DIP2A: variants seen among roughly 807,000 people sequenced by gnomAD.
DIP2A encodes DIP2 acetate--CoA ligase A.
DIP2A carries 85 observed loss-of-function variants against 177.4 expected under a neutral mutation model. The ratio of observed to expected loss-of-function variants is 0.48; its 90% CI spans 0.40 to 0.57. DIP2A has a LOEUF of 0.57. Among genes scored for constraint, DIP2A ranks in the 20% least tolerant of loss-of-function variants. The pLI, the probability that DIP2A is intolerant of heterozygous loss-of-function variation, is 0.00. For synonymous variants in DIP2A, 886 were observed against 881.8 expected, an observed-to-expected ratio of 1.00 and a Z score of -0.08; for missense variants, 1,791 against 2,100.2, an observed-to-expected ratio of 0.85 and a Z score of 2.88.
intron 12 of DIP2A, 76 bp from the exon 13 acceptor site, chr21:46,534,509 A>G: frequency 2.2e-6 from 3 of 1,381,314 alleles, no homozygotes; most frequent in Non-Finnish European, 3.0e-6. Context: ...TCTTTTGAAG[A>G]TTCTACCAGT....
chr21:46,516,844 T>C (rs938413066), intron 8 of DIP2A, among the ~76,000 whole-genome samples: 4 of 152,048 alleles, frequency 2.6e-5, no homozygotes, highest in East Asian at 1.9e-4. Flanking sequence ...ATTTTAGATA[T>C]TGCCTTTTCA....
chr21:46,558,153 A>G (rs2060534056), intron 31 of DIP2A, 70 bp from the exon 32 acceptor site: 1 of 1,492,860 alleles, frequency 6.7e-7, no homozygotes, highest in African/African-American at 1.4e-5. Flanking sequence ...GAGATTTCCC[A>G]AAACAGTGCC....
At chr21:46,572,047 T>C (rs868708033), downstream of DIP2A, among the ~76,000 whole-genome samples, 19 of 152,178 alleles carry the variant, frequency 1.2e-4, no homozygotes, top group Admixed American at 3.3e-4. Context: ...TTGTCATAAA[T>C]AGCTCTTATT....
chr21:46,473,264 G>C lies in DIP2A; in HGVS notation c.92-11493G>C, dbSNP rs151208593. 1.4e-4 allele frequency among the ~76,000 whole-genome samples: 21 copies of C among 152,004 alleles called. No homozygotes were observed. In the East Asian group the frequency reaches 4.1e-3, roughly 30 times the overall value. The stretch of plus-strand genomic sequence containing the variant: ...TAAAGGCTATGGGGCAGGAGTTTGA[G>C]ACTACCCTGGGCAACATAGGGAGAC... On this transcript the variant is annotated intron_variant, in intron 1 of 37. Coordinates refer to ENST00000417564, the MANE Select transcript of DIP2A (RefSeq NM_015151.4).
At chr21:46,534,556 A>G (rs927684491) in intron 12 of DIP2A, 29 bp from the exon 13 acceptor site, 6 of 1,598,510 alleles carry the variant, frequency 3.8e-6, no homozygotes, top group Non-Finnish European at 1.7e-6. Context: ...GAAATACCAC[A>G]TCATGTTTTT....
intron 6 of DIP2A, among the ~76,000 whole-genome samples, chr21:46,507,292 C>CA (rs533080098): frequency 6.6e-6 from 1 of 152,204 alleles, no homozygotes; most frequent in Non-Finnish European, 1.5e-5. Context: ...TTGTCTAACC[C>CA]AAGGTCACAA....
At position 46,558,329 on chromosome 21, in the gene DIP2A, G is replaced by T. The variant is rs757027179; in HGVS notation, c.3905G>T (p.Gly1302Val). The T allele has an allele frequency of 6.3e-7, 1 of 1,589,738 alleles. No homozygotes were observed. ...TTCTCCAAGCTCTTCAAGGACCTGG[G>T]CCTGCCGGCCCGCGCCGTAAGCACC... Reference protein sequence around the residue: ...QSFSKLFKDLGLPARAVSTTF... With the variant: ...QSFSKLFKDLVLPARAVSTTF... The change falls in exon 32 of 38, where the codon GGC becomes GTC. Residue 1302 changes from glycine (G) to valine (V), a missense_variant. By Grantham distance (109) the Gly-to-Val change is moderately radical. Coordinates refer to ENST00000417564, the MANE Select transcript of DIP2A (RefSeq NM_015151.4).
At position 46,558,376 on chromosome 21, in the gene DIP2A, G is replaced by T; in HGVS notation, c.3952G>T (p.Val1318Leu). ...CACCACGTTCGGGTGCAGGGTCAAC[G>T]TGGCCATCTGCCTCCAGGTGAGGTG... ...VSTTFGCRVN[V>L]AICLQGTAGP... is the part of the protein sequence containing the mutation. The change falls in exon 32 of 38, where the codon GTG becomes TTG. Residue 1318 changes from valine to leucine, a missense_variant. By Grantham distance (32) the Val-to-Leu change is conservative. Coordinates refer to ENST00000417564, the MANE Select transcript of DIP2A (RefSeq NM_015151.4). 6.3e-7 allele frequency: 1 copy of T among 1,588,172 alleles called. No individual in the cohort carries two copies.
At position 46,532,223 on chromosome 21, in the gene DIP2A, C is replaced by CA; in HGVS notation, c.1291_1292insA (p.Pro431HisfsTer57). The CA allele has an allele frequency of 1.2e-6, 2 of 1,613,662 alleles. No homozygotes were observed. Among genetic ancestry groups the CA allele is most frequent in the Non-Finnish European group, 1.7e-6 (2 of 1,179,728 alleles). ...GCTGGTTCCTGTCCCCATAGAAGTG[C>CA]CATTAACAAGAAAGGTAGCAAACCC... On this transcript the variant is annotated frameshift_variant, in exon 10 of 38. Transcript: ENST00000417564. LOFTEE classifies it high-confidence loss of function.
chr21:46,579,005 T>C, the DIP2A span, among the ~76,000 whole-genome samples: 1 of 152,304 alleles, frequency 6.6e-6, no homozygotes, highest in African/African-American at 2.4e-5. Flanking sequence ...TCCTTTTCTA[T>C]TGTTTGGAAT....
At chr21:46,519,870 T>A (rs2058747049) in intron 8 of DIP2A, among the ~76,000 whole-genome samples, 2 of 100,346 alleles carry the variant, frequency 2.0e-5, no homozygotes, top group Admixed American at 1.0e-4. Flanking sequence ...TTTTTTTTTT[T>A]TTTTTTTTTT....
intron 3 of DIP2A, among the ~76,000 whole-genome samples, chr21:46,494,088 C>G (rs909265822): frequency 6.6e-6 from 1 of 152,156 alleles, no homozygotes; most frequent in African/African-American, 2.4e-5. Context: ...AAGATAATGC[C>G]ATTTTCACAA....
At chr21:46,545,423 C>T in intron 19 of DIP2A, 150 bp downstream of exon 19, 1 of 929,410 alleles carries the variant, frequency 1.1e-6, no homozygotes, top group Admixed American at 2.7e-5. Flanking sequence ...ACATGGCCTG[C>T]ACACCCCTGT....
chr21:46,528,324 T>C (rs543032430), intron 8 of DIP2A, among the ~76,000 whole-genome samples: 24 of 152,194 alleles, frequency 1.6e-4, no homozygotes, highest in African/African-American at 5.3e-4. Flanking sequence ...TATGTGCTAC[T>C]CTTACAAATG....
intron 21 of DIP2A, among the ~76,000 whole-genome samples, chr21:46,548,621 T>C (rs1425856195): frequency 4.6e-5 from 7 of 151,778 alleles, no homozygotes; most frequent in Non-Finnish European, 1.5e-5. Context: ...GTAGAGAAGG[T>C]GGAAAGTCAG....
Position 46,459,068 on chromosome 21 carries a change from T to C in DIP2A, c.-64T>C, listed in dbSNP as rs1430843715. The stretch of plus-strand genomic sequence containing the variant: ...CTGAGGGGAGCTACGTAGCCGAGGT[T>C]TGCGCTGCCGCCGCCAGGCCCGGTC... On this transcript the variant is annotated 5_prime_UTR_variant, in exon 1 of 38. Coordinates refer to ENST00000417564, the MANE Select transcript of DIP2A (RefSeq NM_015151.4). 5.2e-6 allele frequency: 7 copies of C among 1,343,090 alleles called. No individual in the cohort carries two copies. The Middle Eastern group carries it at 5.6e-4, about 108-fold the overall frequency. The allele number at this position is 1,343,090 out of a possible 1,614,324, so 83.2% of individuals were successfully genotyped here. A position where few individuals can be genotyped will look rare whatever the true frequency, so the allele number is the denominator to read the frequency against.
the DIP2A span, among the ~76,000 whole-genome samples, chr21:46,582,716 C>T: frequency 1.3e-5 from 2 of 152,102 alleles, no homozygotes; most frequent in African/African-American, 4.8e-5. Flanking sequence ...TCATTCTTCT[C>T]AGTGGGAGCC....
At chr21:46,540,257 G>A (rs1601750044) in intron 17 of DIP2A, among the ~76,000 whole-genome samples, 1 of 152,238 alleles carries the variant, frequency 6.6e-6, no homozygotes, top group East Asian at 1.9e-4. Context: ...TTGTCATCTC[G>A]TCTGTAGCTG....
chr21:46,535,857 G>A lies in DIP2A; in HGVS notation c.1642+1170G>A, dbSNP rs577930598. Among the ~76,000 whole-genome samples the A allele has an allele frequency of 7.2e-5, 11 of 152,256 alleles. 1 individual carries two copies. Among genetic ancestry groups the A allele is most frequent in the South Asian group, 2.1e-4 (1 of 4,816 alleles). ...CTCGGGAAGCTGAGGTAAGAGGACC[G>A]CCTGAGCCCAGGAGTTTTGGGCTGT... is the stretch of plus-strand genomic sequence containing the variant. On this transcript the variant is annotated intron_variant, in intron 13 of 37. Coordinates refer to ENST00000417564, the MANE Select transcript of DIP2A (RefSeq NM_015151.4).
Sources: gnomAD v4.1 joint callset for allele counts (sites outside exome capture counted in the v4.1 genomes callset) on GRCh38, gnomAD v4.1.1 for gene constraint, MANE v1.5 for transcripts, NCBI Gene and HGNC (gene_info 2026-07-23, HGNC 2026-07-21) for gene names.